Variants in SZRD1 observed in about 807,000 individuals in gnomAD.
SZRD1 encodes SUZ RNA-binding domain-containing.
Under a neutral mutation model 17.6 loss-of-function variants are expected in SZRD1, and 7 were observed. That is an observed-to-expected ratio of 0.40 (90% CI 0.23 to 0.75). The LOEUF is 0.75. Ranked by LOEUF, SZRD1 falls within the 30% of genes least tolerant of loss-of-function variation. The pLI is 0.38. For synonymous variants in SZRD1, 77 were observed against 77.9 expected (o/e 0.99, Z 0.06); for missense variants, 178 against 201.8 (o/e 0.88, Z 0.71).
intron 1 of SZRD1, among the ~76,000 whole-genome samples, chr1:16,383,872 C>T (rs556516989): frequency 6.6e-6 from 1 of 152,250 alleles, no homozygotes; most frequent in East Asian, 1.9e-4. Context: ...CCCGCCTGGG[C>T]CTCTCAAAGT....
intron 1 of SZRD1, among the ~76,000 whole-genome samples, chr1:16,373,307 C>T (rs977773188): frequency 5.3e-5 from 8 of 150,952 alleles, no homozygotes; most frequent in African/African-American, 9.7e-5. Context: ...TTGCCGGACA[C>T]GATGGCTCAT....
intron 3 of SZRD1, among the ~76,000 whole-genome samples, chr1:16,394,470 C>T (rs2085272450): frequency 6.6e-6 from 1 of 152,180 alleles, no homozygotes; most frequent in African/African-American, 2.4e-5. Flanking sequence ...GGCCCTCAAG[C>T]ACTCCCCCTG....
intron 2 of SZRD1, among the ~76,000 whole-genome samples, chr1:16,392,843 T>C (rs911014168): frequency 3.3e-5 from 5 of 152,242 alleles, no homozygotes; most frequent in African/African-American, 1.2e-4. Context: ...AGTCCTACTC[T>C]GATCTGCGTA....
Position 16,393,490 on chromosome 1 carries a change from TGGCTGGCAG to T in SZRD1, c.356+12_356+20del, listed in dbSNP as rs775547949. ...GAAACCCATCCTCGACAGGTGAGTG[TGGCTGGCAG>T]GGCCGGCCAGTGATGGCTGTCCCAG... On this transcript the variant is annotated intron_variant, in intron 3 of 3. Transcript: ENST00000401088. This position sits in a 1 kb window ranked among gnomAD's most constrained non-coding sequence, Gnocchi z 5.6. 1 of 1,603,896 alleles carries T rather than the reference TGGCTGGCAG, an allele frequency of 6.2e-7. No homozygotes were observed. The highest frequency in any genetic ancestry group is 8.5e-7 in the Non-Finnish European group (1 of 1,176,016).
At chr1:16,369,571 C>G (rs368225889) in intron 1 of SZRD1, 3 of 676,360 alleles carry the variant, frequency 4.4e-6, no homozygotes, top group Non-Finnish European at 8.0e-6. Context: ...TTTCTGCTAT[C>G]CCTTACTTTA....
intron 1 of SZRD1, among the ~76,000 whole-genome samples, chr1:16,368,241 C>T (rs573279162): frequency 3.3e-5 from 5 of 152,234 alleles, no homozygotes; most frequent in African/African-American, 1.2e-4. Flanking sequence ...CCCGTGTTCG[C>T]GTCTGTTCAA....
intron 1 of SZRD1, among the ~76,000 whole-genome samples, chr1:16,372,243 C>T (rs1049560080): frequency 6.6e-6 from 1 of 152,014 alleles, no homozygotes; most frequent in Non-Finnish European, 1.5e-5. Context: ...GAGGCTGAGG[C>T]GGGCAGATCA....
At chr1:16,377,174 A>G (rs188375975) in intron 1 of SZRD1, among the ~76,000 whole-genome samples, 38 of 152,218 alleles carry the variant, frequency 2.5e-4, no homozygotes, top group Non-Finnish European at 4.4e-4. Flanking sequence ...CTGGGATTTG[A>G]TGAGGGCACC....
At chr1:16,371,582 C>T (rs1344770932) in intron 1 of SZRD1, among the ~76,000 whole-genome samples, 5 of 151,914 alleles carry the variant, frequency 3.3e-5, no homozygotes, top group African/African-American at 4.8e-5. Context: ...CTGCCTCAGC[C>T]TCCCGAGTAG....
At position 16,390,202 on chromosome 1, in the gene SZRD1, C is replaced by T. The variant is rs143713105; in HGVS notation, c.52-1173C>T. ...GAGTGGGACTTTTTCTAAGAAAGGCCGTAGGGCAGCCAAGCAGCCTGGGGG... is the reference window on the plus strand; with the variant it reads ...GAGTGGGACTTTTTCTAAGAAAGGCTGTAGGGCAGCCAAGCAGCCTGGGGG... On this transcript the variant is annotated intron_variant, in intron 1 of 3. Coordinates refer to ENST00000401088, the MANE Select transcript of SZRD1 (RefSeq NM_001114600.3). 2.0e-3 allele frequency among the ~76,000 whole-genome samples: 309 copies of T among 152,282 alleles called. 1 individual carries two copies. Among genetic ancestry groups the T allele is most frequent in the African/African-American group, 7.1e-3 (294 of 41,542 alleles).
chr1:16,378,887 C>T lies in SZRD1; in HGVS notation c.51+11579C>T, dbSNP rs559242822. ...GATTACAGGCACGTGCCACCACGCC[C>T]GGCTAATTTTTGTATTTTTGGTGGA... On this transcript the variant is annotated intron_variant, in intron 1 of 3. Coordinates refer to ENST00000401088, the MANE Select transcript of SZRD1 (RefSeq NM_001114600.3). Among the ~76,000 whole-genome samples the T allele has an allele frequency of 5.9e-5, 9 of 151,758 alleles. No individual in the cohort carries two copies. In the East Asian group the frequency reaches 1.4e-3, roughly 23 times the overall value.
intron 1 of SZRD1, among the ~76,000 whole-genome samples, chr1:16,381,707 G>A (rs146453785): frequency 0.023 from 3,462 of 152,080 alleles, 96 homozygotes; most frequent in African/African-American, 0.064. Flanking sequence ...TGAAGCAGGC[G>A]GATCACCTAA....
chr1:16,393,168 A>G lies in SZRD1; in HGVS notation c.102-60A>G. On this transcript the variant is annotated intron_variant, in intron 2 of 3. Coordinates refer to ENST00000401088, the MANE Select transcript of SZRD1 (RefSeq NM_001114600.3). This position sits in a 1 kb window ranked among gnomAD's most constrained non-coding sequence, Gnocchi z 5.6. Reference sequence around the variant, plus strand: ...AAGTGATGAGAGGTGGGTGTGGGACATGGACAGGGCCTCCTTAGTCAGGAG... The same window carrying G: ...AAGTGATGAGAGGTGGGTGTGGGACGTGGACAGGGCCTCCTTAGTCAGGAG... The G allele has an allele frequency of 3.8e-6, 6 of 1,587,118 alleles. No individual in the cohort carries two copies. The highest frequency in any genetic ancestry group is 5.2e-6 in the Non-Finnish European group (6 of 1,162,262).
Position 16,391,514 on chromosome 1 carries a change from A to G in SZRD1, c.101+90A>G, listed in dbSNP as rs1281118854. On this transcript the variant is annotated intron_variant, in intron 2 of 3. Transcript: ENST00000401088. The surrounding 1 kb of genome is among the most constrained non-coding windows in gnomAD (Gnocchi z 4.3). ...TGTTCTCCAGCTGGCCATTAGGATTAGCAGGTCCTAGCAGGTCAGGCTCTG... is the reference window on the plus strand; with the variant it reads ...TGTTCTCCAGCTGGCCATTAGGATTGGCAGGTCCTAGCAGGTCAGGCTCTG... 1 of 1,045,222 alleles carries G rather than the reference A, an allele frequency of 9.6e-7. No homozygotes were observed. Among genetic ancestry groups the G allele is most frequent in the Non-Finnish European group, 1.4e-6 (1 of 702,950 alleles). 64.7% of individuals were successfully genotyped at this position (1,045,222 alleles called of 1,614,324 possible).
At chr1:16,381,421 G>T (rs548735493) in intron 1 of SZRD1, among the ~76,000 whole-genome samples, 2 of 152,064 alleles carry the variant, frequency 1.3e-5, no homozygotes, top group Non-Finnish European at 1.5e-5. Context: ...GCCAGGTGTG[G>T]TGGCACACGC....
chr1:16,377,954 T>C (rs1040611911), intron 1 of SZRD1, among the ~76,000 whole-genome samples: 9 of 152,254 alleles, frequency 5.9e-5, no homozygotes, highest in Admixed American at 4.6e-4. Context: ...AGGACTAATA[T>C]ACTCTCCTCC....
chr1:16,388,123 A>G (rs1191866238), intron 1 of SZRD1, among the ~76,000 whole-genome samples: 3 of 152,102 alleles, frequency 2.0e-5, no homozygotes, highest in Non-Finnish European at 4.4e-5. Flanking sequence ...ACATATATAT[A>G]TATATTTTGA....
intron 1 of SZRD1, among the ~76,000 whole-genome samples, chr1:16,382,959 G>A (rs569265087): frequency 5.1e-4 from 77 of 151,244 alleles, no homozygotes; most frequent in African/African-American, 1.5e-3. Flanking sequence ...TCCGCCTCCC[G>A]GGTTCTAGCG....
Position 16,369,894 on chromosome 1 carries a change from A to C in SZRD1, c.51+2586A>C, listed in dbSNP as rs190120248. On this transcript the variant is annotated intron_variant, in intron 1 of 3. Coordinates refer to ENST00000401088, the MANE Select transcript of SZRD1 (RefSeq NM_001114600.3). ...ACAAGAGTGAAACTCCATCAAAAAA[A>C]AAAACAAAAAAAAAAAACTACAGAG... Among the ~76,000 whole-genome samples, 50 of 142,962 alleles carry C rather than the reference A, an allele frequency of 3.5e-4. No homozygotes were observed. In the East Asian group the frequency reaches 7.4e-3, roughly 21 times the overall value. The allele number at this position is 142,962 out of a possible 152,430, so 93.8% of individuals were successfully genotyped here. A position where few individuals can be genotyped will look rare whatever the true frequency, so the allele number is the denominator to read the frequency against.
Sources: gnomAD v4.1 joint callset for allele counts (sites outside exome capture counted in the v4.1 genomes callset) on GRCh38, gnomAD v4.1.1 for gene constraint, Gnocchi (gnomAD v3.1) non-coding constraint, MANE v1.5 for transcripts, NCBI Gene and HGNC (gene_info 2026-07-23, HGNC 2026-07-21) for gene names.